PLBD2: variants seen among roughly 807,000 people sequenced by gnomAD.
The protein encoded by PLBD2 is putative aminopeptidase PLBD2.
PLBD2 carries 51 observed loss-of-function variants against 68.3 expected under a neutral mutation model. The ratio of observed to expected loss-of-function variants is 0.75; its 90% CI spans 0.60 to 0.94. The LOEUF (loss-of-function observed/expected upper bound fraction) is 0.94, where lower values mean the gene tolerates loss of function less well. PLBD2 is among the 40% of genes least tolerant of loss of function. The probability of loss-of-function intolerance (pLI) is 0.00; values close to 1 mark genes in which losing one functional copy is unlikely to be tolerated. For synonymous variants in PLBD2, 314 were observed against 339.3 expected, an observed-to-expected ratio of 0.93 and a Z score of 0.82; for missense variants, 729 against 792.2, an observed-to-expected ratio of 0.92 and a Z score of 0.96.
intron 1 of PLBD2, among the ~76,000 whole-genome samples, chr12:113,366,413 C>G (rs1738971102): frequency 6.6e-6 from 1 of 152,126 alleles, no homozygotes; most frequent in Admixed American, 6.6e-5. Context: ...TCTGGTTACA[C>G]AAAAATGAAA....
chr12:113,373,065 A>G (rs577140158), intron 3 of PLBD2, among the ~76,000 whole-genome samples: 16 of 151,266 alleles, frequency 1.1e-4, no homozygotes, highest in African/African-American at 3.2e-4. Context: ...AGTTGTTAGC[A>G]TGGTGTTTTG....
At chr12:113,387,286 A>G (rs912952419) in intron 10 of PLBD2, among the ~76,000 whole-genome samples, 197 bp downstream of exon 10, 7 of 152,100 alleles carry the variant, frequency 4.6e-5, no homozygotes, top group African/African-American at 1.7e-4. Context: ...CCTCATAGCT[A>G]AGGGGAGGAT....
In PLBD2 at chr12:113,384,260, C is replaced by G; in HGVS notation, c.1113C>G (p.Ser371Arg). ...CAGACATCTTCAAGAGGTTCAACAG[C>G]GGCACGTGAGTGGGCTTCTGGCCCT... ...TWADIFKRFN[S>R]GTYNNQWMIV... The change falls in exon 7 of 12, where the codon AGC becomes AGG. Residue 371 changes from serine to arginine, a missense_variant. Ser to Arg is a moderately radical substitution (Grantham distance 110, BLOSUM62 -1). Coordinates refer to ENST00000280800, the MANE Select transcript of PLBD2 (RefSeq NM_173542.4). The surrounding 1 kb of genome is among the most constrained non-coding windows in gnomAD (Gnocchi z 4.2). 1.2e-6 allele frequency: 2 copies of G among 1,609,468 alleles called. No individual in the cohort carries two copies. Among genetic ancestry groups the G allele is most frequent in the Non-Finnish European group, 1.7e-6 (2 of 1,177,714 alleles).
rs546020632 is a variant in PLBD2 at position 113,389,403 on chromosome 12, T to A, written c.*777T>A. 6.6e-6 allele frequency: 1 copy of A among 151,114 alleles called. No homozygotes were observed. The highest frequency in any genetic ancestry group is 2.0e-4 in the East Asian group (1 of 5,038). 9.4% of individuals were successfully genotyped at this position (151,114 alleles called of 1,614,324 possible). On this transcript the variant is annotated 3_prime_UTR_variant, in exon 12 of 12. Coordinates refer to ENST00000280800, the MANE Select transcript of PLBD2 (RefSeq NM_173542.4). ...TTAAACAAGAGCGGCTGTGGCCCCATGCTGTGCTTCTTGGGGTGGCAGGGA... is the reference window on the plus strand; with the variant it reads ...TTAAACAAGAGCGGCTGTGGCCCCAAGCTGTGCTTCTTGGGGTGGCAGGGA...
intron 5 of PLBD2, chr12:113,375,308 G>C (rs1329327540): frequency 7.4e-6 from 3 of 405,264 alleles, no homozygotes; most frequent in Non-Finnish European, 1.3e-5. Flanking sequence ...ACCACACTCA[G>C]CTAATTTGTT....
Position 113,388,686 on chromosome 12 carries a change from C to T in PLBD2, c.*60C>T. Reference sequence around the variant, plus strand: ...TGACCCTCGTCAGGGTCACCCCCGTCCCAAGGCCACCGGACTTCTAACTCC... The same window carrying T: ...TGACCCTCGTCAGGGTCACCCCCGTTCCAAGGCCACCGGACTTCTAACTCC... On this transcript the variant is annotated 3_prime_UTR_variant, in exon 12 of 12. Transcript: ENST00000280800. 1 of 1,486,272 alleles carries T rather than the reference C, an allele frequency of 6.7e-7. No homozygotes were observed. The allele number at this position is 1,486,272 out of a possible 1,614,324, so 92.1% of individuals were successfully genotyped here.
At chr12:113,368,284 C>T (rs1256622089) in intron 1 of PLBD2, among the ~76,000 whole-genome samples, 1 of 152,190 alleles carries the variant, frequency 6.6e-6, no homozygotes, top group African/African-American at 2.4e-5. Flanking sequence ...TATTGGGCAG[C>T]AGTGCTGTGT....
chr12:113,380,701 T>C (rs1021450613), intron 5 of PLBD2, 44 bp from the exon 6 acceptor site: 8 of 1,503,090 alleles, frequency 5.3e-6, no homozygotes, highest in Non-Finnish European at 7.2e-6. Flanking sequence ...GGCCTCCACC[T>C]GTGCCTGTCT....
chr12:113,371,993 A>G (rs893895927), intron 2 of PLBD2, among the ~76,000 whole-genome samples: 5 of 152,186 alleles, frequency 3.3e-5, no homozygotes, highest in Admixed American at 6.5e-5. Context: ...TGTGGAAGTC[A>G]TGGAGGCCTG....
rs771995358 is a variant in PLBD2 at position 113,384,197 on chromosome 12, C to T, written c.1050C>T (p.Ile350=). 5 of 1,613,770 alleles carry T rather than the reference C, an allele frequency of 3.1e-6. No homozygotes were observed. Among genetic ancestry groups the T allele is most frequent in the African/African-American group, 2.7e-5 (2 of 74,864 alleles). Residue 350 remains isoleucine (I), a synonymous_variant, in exon 7 of 12, where the codon ATC becomes ATT. Coordinates refer to ENST00000280800, the MANE Select transcript of PLBD2 (RefSeq NM_173542.4). This position sits in a 1 kb window ranked among gnomAD's most constrained non-coding sequence, Gnocchi z 4.2. ...GTGTGCTGGAGTGGGTACGCAACAT[C>T]GTGGCCAACCGCCTGGCCTCGGATG... ...RGCVLEWVRN[I]VANRLASDGA... is the part of the protein sequence containing the mutation.
In PLBD2 at chr12:113,388,815, C is replaced by T. The variant is rs367770796; in HGVS notation, c.*189C>T. ...CTCAGAACTGACCCCCTCTCTCCCCCGAGGTGGGTGGGCACCGTGGCGTCT... is the reference window on the plus strand; with the variant it reads ...CTCAGAACTGACCCCCTCTCTCCCCTGAGGTGGGTGGGCACCGTGGCGTCT... On this transcript the variant is annotated 3_prime_UTR_variant, in exon 12 of 12. Coordinates refer to ENST00000280800, the MANE Select transcript of PLBD2 (RefSeq NM_173542.4). 98 of 550,490 alleles carry T rather than the reference C, an allele frequency of 1.8e-4. No homozygotes were observed. Among genetic ancestry groups the T allele is most frequent in the African/African-American group, 1.5e-3 (78 of 51,034 alleles). The allele number at this position is 550,490 out of a possible 1,614,324, so 34.1% of individuals were successfully genotyped here.
chr12:113,387,040 C>T lies in PLBD2; in HGVS notation c.1390C>T (p.Arg464Trp), dbSNP rs777151961. 1.4e-5 allele frequency: 22 copies of T among 1,610,980 alleles called. No individual in the cohort carries two copies. Among genetic ancestry groups the T allele is most frequent in the African/African-American group, 4.0e-5 (3 of 74,818 alleles). ...DGSPRAQIFRRNQSLVQDMDS... is the reference protein window; with the variant it reads ...DGSPRAQIFRWNQSLVQDMDS... Reference sequence around the variant, plus strand: ...GAGCCCCCGGGCCCAGATCTTCCGGCGGAACCAGTCACTGGTACAAGACAT... The same window carrying T: ...GAGCCCCCGGGCCCAGATCTTCCGGTGGAACCAGTCACTGGTACAAGACAT... The change falls in exon 10 of 12, where the codon CGG becomes TGG. Residue 464 changes from arginine (R) to tryptophan (W), a missense_variant. Transcript: ENST00000280800.
chr12:113,391,448 A>C lies in PLBD2; in HGVS notation c.*2822A>C, dbSNP rs914789558. The C allele has an allele frequency of 2.6e-5, 4 of 152,238 alleles. No homozygotes were observed. Among genetic ancestry groups the C allele is most frequent in the Non-Finnish European group, 5.9e-5 (4 of 68,042 alleles). 9.4% of individuals were successfully genotyped at this position (152,238 alleles called of 1,614,324 possible). On this transcript the variant is annotated 3_prime_UTR_variant, in exon 12 of 12. Coordinates refer to ENST00000280800, the MANE Select transcript of PLBD2 (RefSeq NM_173542.4). ...CAAACACTTATTGAACCCCTAGTACATGCCAGGCACTGTTATGAGGTCCCG... is the reference window on the plus strand; with the variant it reads ...CAAACACTTATTGAACCCCTAGTACCTGCCAGGCACTGTTATGAGGTCCCG...
chr12:113,388,816 G>A lies in PLBD2; in HGVS notation c.*190G>A, dbSNP rs1418710554. 10 of 545,330 alleles carry A rather than the reference G, an allele frequency of 1.8e-5. No individual in the cohort carries two copies. The highest frequency in any genetic ancestry group is 7.9e-5 in the African/African-American group (4 of 50,782). 33.8% of individuals were successfully genotyped at this position (545,330 alleles called of 1,614,324 possible). On this transcript the variant is annotated 3_prime_UTR_variant, in exon 12 of 12. Coordinates refer to ENST00000280800, the MANE Select transcript of PLBD2 (RefSeq NM_173542.4). ...TCAGAACTGACCCCCTCTCTCCCCC[G>A]AGGTGGGTGGGCACCGTGGCGTCTC...
intron 2 of PLBD2, among the ~76,000 whole-genome samples, chr12:113,369,914 T>C (rs1416596614): frequency 6.6e-6 from 1 of 151,972 alleles, no homozygotes; most frequent in Admixed American, 6.6e-5. Context: ...CTTTTTTTTT[T>C]TTTGAGACAG....
At chr12:113,361,977 C>T (rs1957300473) in intron 1 of PLBD2, among the ~76,000 whole-genome samples, 1 of 152,150 alleles carries the variant, frequency 6.6e-6, no homozygotes, top group Non-Finnish European at 1.5e-5. Context: ...CAGGCAAAAA[C>T]AGCCCAGTAA....
At chr12:113,378,110 G>T (rs1441566459) in intron 5 of PLBD2, among the ~76,000 whole-genome samples, 3 of 152,134 alleles carry the variant, frequency 2.0e-5, no homozygotes, top group Non-Finnish European at 4.4e-5. Context: ...TGGCCAACAT[G>T]GTGAAACCCC....
chr12:113,366,290 T>C (rs932358623), intron 1 of PLBD2, among the ~76,000 whole-genome samples: 1 of 152,142 alleles, frequency 6.6e-6, no homozygotes, highest in Non-Finnish European at 1.5e-5. Flanking sequence ...ATTTTCTTAA[T>C]AGAAATTGCC....
rs1957337282 is a variant in PLBD2, at chr12:113,365,759, A to G, written c.291-3357A>G. Among the ~76,000 whole-genome samples, 5 of 152,250 alleles carry G rather than the reference A, an allele frequency of 3.3e-5. No individual in the cohort carries two copies. The South Asian group carries it at 1.0e-3, about 32-fold the overall frequency. On this transcript the variant is annotated intron_variant, in intron 1 of 11. Transcript: ENST00000280800. Reference sequence around the variant, plus strand: ...CAAAGTACTTTGCTTTGGAACATTCAGAACTCAGGCTTCTTCCTTTTACTT... The same window carrying G: ...CAAAGTACTTTGCTTTGGAACATTCGGAACTCAGGCTTCTTCCTTTTACTT...
Sources: allele counts gnomAD v4.1 joint callset (sites outside exome capture counted in the v4.1 genomes callset), GRCh38; gene constraint gnomAD v4.1.1; non-coding constraint Gnocchi (gnomAD v3.1); transcripts MANE v1.5; gene names NCBI Gene and HGNC (gene_info 2026-07-23, HGNC 2026-07-21).